The following BPI variants were observed in gnomAD, a reference collection of about 807,000 sequenced individuals.
The protein encoded by BPI is bactericidal permeability-increasing protein.
BPI carries 48 observed loss-of-function variants against 57.6 expected under a neutral mutation model. The ratio of observed to expected loss-of-function variants is 0.83; its 90% CI spans 0.66 to 1.06. The LOEUF is 1.06. Among genes scored for constraint, BPI ranks in the 50% least tolerant of loss-of-function variants. The probability of loss-of-function intolerance (pLI) is 0.00; values close to 1 mark genes in which losing one functional copy is unlikely to be tolerated. For missense variants in BPI, 651 were observed against 609.7 expected (o/e 1.07, Z -0.71); for synonymous variants, 237 against 238.2 (o/e 0.99, Z 0.05).
At chr20:38,314,891 A>ATGATGG (rs566508850) in intron 5 of BPI, among the ~76,000 whole-genome samples, 11 of 151,232 alleles carry the variant, frequency 7.3e-5, no homozygotes, top group South Asian at 4.2e-4. Flanking sequence ...GGTGAGACTG[A>ATGATGG]TGATGGTGAT....
chr20:38,327,556 G>T, intron 10 of BPI, 32 bp from the exon 11 acceptor site: 1 of 1,611,200 alleles, frequency 6.2e-7, no homozygotes, highest in South Asian at 1.1e-5. Flanking sequence ...GCCTGGGTCA[G>T]GGCACTTCAC....
intron 5 of BPI, 89 bp downstream of exon 5, chr20:38,312,026 C>A: frequency 7.6e-7 from 1 of 1,315,660 alleles, no homozygotes; most frequent in South Asian, 1.2e-5. Flanking sequence ...ACTCTGCTGT[C>A]ACTCCAGACC....
At chr20:38,331,897 A>G (rs921312560) in intron 12 of BPI, among the ~76,000 whole-genome samples, 4 of 152,062 alleles carry the variant, frequency 2.6e-5, no homozygotes, top group Admixed American at 6.6e-5. Flanking sequence ...TCAAAGCTAT[A>G]AAAACCAAAG....
chr20:38,336,602 C>G (rs1421941651), intron 14 of BPI, among the ~76,000 whole-genome samples: 2 of 152,084 alleles, frequency 1.3e-5, no homozygotes, highest in African/African-American at 4.8e-5. Context: ...TCCCTTTCCC[C>G]CAATGTCCAG....
intron 6 of BPI, among the ~76,000 whole-genome samples, chr20:38,319,357 A>T (rs963753777): frequency 2.0e-5 from 3 of 152,270 alleles, no homozygotes; most frequent in African/African-American, 7.2e-5. Flanking sequence ...TCTGGAGCTA[A>T]GATTTCCTTC....
At chr20:38,315,394 A>G (rs78481507) in intron 5 of BPI, among the ~76,000 whole-genome samples, 1,932 of 152,264 alleles carry the variant, frequency 0.013, 39 homozygotes, top group African/African-American at 0.045. Flanking sequence ...GGAATACAGC[A>G]TGTAGGGCTG....
rs144383722 is a variant in BPI at position 38,322,889 on chromosome 20, C to T, written c.757-981C>T. Among the ~76,000 whole-genome samples, 125 of 152,282 alleles carry T rather than the reference C, an allele frequency of 8.2e-4. No individual in the cohort carries two copies. In the East Asian group the frequency reaches 0.019, roughly 24 times the overall value. On this transcript the variant is annotated intron_variant, in intron 7 of 14. Transcript: ENST00000642449. ...CCTCCCAAAATGCTGGGATTACAGGCGTGAGCACTGTGCCCAGCCCATCTT... is the reference window on the plus strand; with the variant it reads ...CCTCCCAAAATGCTGGGATTACAGGTGTGAGCACTGTGCCCAGCCCATCTT...
intron 2 of BPI, among the ~76,000 whole-genome samples, chr20:38,308,043 C>T (rs2076605245): frequency 6.6e-6 from 1 of 152,238 alleles, no homozygotes; most frequent in Admixed American, 6.5e-5. Context: ...GGCAGGCTTA[C>T]ATGTCACTGG....
chr20:38,317,480 C>T (rs1471727219), intron 5 of BPI, among the ~76,000 whole-genome samples: 1 of 152,212 alleles, frequency 6.6e-6, no homozygotes, highest in Non-Finnish European at 1.5e-5. Context: ...CTTGAAGGCT[C>T]AGCTCTGCTG....
chr20:38,305,576 T>C (rs1383714259), intron 1 of BPI, among the ~76,000 whole-genome samples: 2 of 152,130 alleles, frequency 1.3e-5, no homozygotes, highest in Non-Finnish European at 1.5e-5. Context: ...CATTTTTTTT[T>C]CCCTCCACAC....
intron 5 of BPI, chr20:38,318,020 GC>G (rs1405059739): frequency 1.0e-6 from 1 of 984,764 alleles, no homozygotes; most frequent in African/African-American, 1.8e-5. Flanking sequence ...GGGAAGGCTG[GC>G]CATTGACTAC....
intron 11 of BPI, 48 bp downstream of exon 11, chr20:38,327,703 T>A: frequency 6.3e-7 from 1 of 1,592,230 alleles, no homozygotes; most frequent in African/African-American, 1.3e-5. Context: ...CTGTCCTTGG[T>A]GTCTGTGGGA....
Position 38,323,904 on chromosome 20 carries a change from C to T in BPI, c.791C>T (p.Pro264Leu). The T allele has an allele frequency of 6.2e-7, 1 of 1,614,184 alleles. No homozygotes were observed. The highest frequency in any genetic ancestry group is 1.3e-5 in the African/African-American group (1 of 75,036). The part of the protein sequence containing the change: ...EFYSENHHNP[P>L]PFAPPVMEFP... ...TACAGTGAGAACCACCACAATCCAC[C>T]TCCCTTTGCTCCACCAGTGATGGAG... The change falls in exon 8 of 15, where the codon CCT (proline) becomes CTT (leucine). Residue 264 changes from proline to leucine, a missense_variant. Pro to Leu is a moderately conservative substitution (Grantham distance 98, BLOSUM62 -3). Coordinates refer to ENST00000642449, the MANE Select transcript of BPI (RefSeq NM_001725.3).
chr20:38,304,859 G>T (rs1292592530), intron 1 of BPI, among the ~76,000 whole-genome samples: 1 of 151,276 alleles, frequency 6.6e-6, no homozygotes, highest in Admixed American at 6.6e-5. Context: ...CCCAGCCCAG[G>T]CAGAGGAGAG....
chr20:38,318,607 T>C (rs2076665340), intron 6 of BPI, 131 bp downstream of exon 6: 6 of 961,010 alleles, frequency 6.2e-6, no homozygotes. Context: ...AGCAGAGTAG[T>C]ACATTATTTT....
At chr20:38,316,921 A>G (rs2076654966) in intron 5 of BPI, among the ~76,000 whole-genome samples, 1 of 152,226 alleles carries the variant, frequency 6.6e-6, no homozygotes, top group Admixed American at 6.5e-5. Context: ...GGAGCCAGGA[A>G]GAAAGCCCAG....
chr20:38,329,403 G>A (rs2076731188), intron 11 of BPI, among the ~76,000 whole-genome samples: 1 of 152,196 alleles, frequency 6.6e-6, no homozygotes, highest in African/African-American at 2.4e-5. Flanking sequence ...AGCCCCAGAG[G>A]TTTATGTGCT....
At chr20:38,327,827 T>G (rs1326659273) in intron 11 of BPI, among the ~76,000 whole-genome samples, 172 bp downstream of exon 11, 1 of 152,118 alleles carries the variant, frequency 6.6e-6, no homozygotes, top group Non-Finnish European at 1.5e-5. Flanking sequence ...TTGCAGACCA[T>G]GAAACTCATG....
chr20:38,310,423 C>T, intron 3 of BPI, 68 bp from the exon 4 acceptor site: 2 of 1,565,534 alleles, frequency 1.3e-6, no homozygotes, highest in South Asian at 2.4e-5. Flanking sequence ...CCTTCCAGCA[C>T]TGGGGCAAAG....
Sources: gnomAD v4.1 joint callset for allele counts (sites outside exome capture counted in the v4.1 genomes callset) on GRCh38, gnomAD v4.1.1 for gene constraint, MANE v1.5 for transcripts, NCBI Gene and HGNC (gene_info 2026-07-23, HGNC 2026-07-21) for gene names.